Variants in GALNT7 observed in about 807,000 individuals in gnomAD.
The protein encoded by GALNT7 is polypeptide N-acetylgalactosaminyltransferase 7.
Under a neutral mutation model 82.1 loss-of-function variants are expected in GALNT7, and 60 were observed. The ratio of observed to expected loss-of-function variants is 0.73; its 90% confidence interval spans 0.59 to 0.91. The LOEUF is 0.91. GALNT7 is among the 40% of genes least tolerant of loss of function. GALNT7 has a pLI of 0.00. For missense variants in GALNT7, 660 were observed against 804.2 expected, an observed-to-expected ratio of 0.82 and a Z score of 2.17; for synonymous variants, 243 against 275.1, an observed-to-expected ratio of 0.88 and a Z score of 1.15.
chr4:173,220,160 G>A (rs2126686877), intron 1 of GALNT7, among the ~76,000 whole-genome samples: 1 of 152,296 alleles, frequency 6.6e-6, no homozygotes, highest in African/African-American at 2.4e-5. Flanking sequence ...TCTATCTTGA[G>A]TTGATTTTTG....
chr4:173,281,220 T>C (rs1326458915), intron 2 of GALNT7, among the ~76,000 whole-genome samples: 1 of 152,180 alleles, frequency 6.6e-6, no homozygotes, highest in Non-Finnish European at 1.5e-5. Context: ...TAGGTGTGCC[T>C]GTCTTCCCGG....
At chr4:173,174,611 C>T (rs1731977454) in intron 1 of GALNT7, among the ~76,000 whole-genome samples, 1 of 152,132 alleles carries the variant, frequency 6.6e-6, no homozygotes, top group South Asian at 2.1e-4. Context: ...CTGCTTGCCC[C>T]TCCCCCATCC....
chr4:173,289,247 T>C (rs139330557), intron 2 of GALNT7, among the ~76,000 whole-genome samples: 1 of 152,300 alleles, frequency 6.6e-6, no homozygotes, highest in East Asian at 1.9e-4. Flanking sequence ...CCGCTCTTAC[T>C]CACCCTTCTG....
At chr4:173,270,371 A>G (rs1322548016) in intron 2 of GALNT7, among the ~76,000 whole-genome samples, 1 of 152,212 alleles carries the variant, frequency 6.6e-6, no homozygotes, top group Non-Finnish European at 1.5e-5. Flanking sequence ...ATTGAAAAAA[A>G]AATGCTTGTT....
At chr4:173,262,981 A>G (rs1048686985) in intron 2 of GALNT7, among the ~76,000 whole-genome samples, 3 of 152,218 alleles carry the variant, frequency 2.0e-5, no homozygotes, top group Non-Finnish European at 4.4e-5. Flanking sequence ...GTATATTATT[A>G]TGAAGAATAA....
chr4:173,188,462 A>C lies in GALNT7; in HGVS notation c.126+19501A>C, dbSNP rs532298901. Among the ~76,000 whole-genome samples the C allele has an allele frequency of 5.8e-4, 88 of 152,348 alleles. 2 individuals carry two copies. In the South Asian group the frequency reaches 8.7e-3, roughly 15 times the overall value. On this transcript the variant is annotated intron_variant, in intron 1 of 11. Coordinates refer to ENST00000265000, the MANE Select transcript of GALNT7 (RefSeq NM_017423.3). ...CACCCCCTCAGAGATTTCACGGCATACATTGGTACGTTAAAAGCTTTGAAA... is the reference window on the plus strand; with the variant it reads ...CACCCCCTCAGAGATTTCACGGCATCCATTGGTACGTTAAAAGCTTTGAAA...
intron 2 of GALNT7, among the ~76,000 whole-genome samples, chr4:173,262,376 T>C (rs150661243): frequency 1.8e-3 from 272 of 152,340 alleles, no homozygotes; most frequent in Non-Finnish European, 2.9e-3. Flanking sequence ...CAGGAGTTGG[T>C]CATTTGGAAA....
In GALNT7 at chr4:173,314,146, T is replaced by G; in HGVS notation, c.1578T>G (p.Pro526=). ...CTTATGATATCACCTCACACTACCC[T>G]TTGCCACCCAAAAATGTTGACTGGG... ...EIAYDITSHY[P]LPPKNVDWGE... Residue 526 remains proline (P), a synonymous_variant, in exon 9 of 12, where the codon CCT becomes CCG. Transcript: ENST00000265000. 6.2e-7 allele frequency: 1 copy of G among 1,612,714 alleles called. No homozygotes were observed. Among genetic ancestry groups the G allele is most frequent in the African/African-American group, 1.3e-5 (1 of 74,968 alleles).
intron 1 of GALNT7, among the ~76,000 whole-genome samples, chr4:173,188,747 C>T (rs1023047977): frequency 6.6e-6 from 1 of 152,176 alleles, no homozygotes; most frequent in Non-Finnish European, 1.5e-5. Flanking sequence ...TACCATCCTT[C>T]AAGATCAGTT....
intron 8 of GALNT7, among the ~76,000 whole-genome samples, chr4:173,307,091 C>T (rs1197768228): frequency 6.6e-6 from 1 of 152,204 alleles, no homozygotes; most frequent in Non-Finnish European, 1.5e-5. Context: ...GTGGCTAATG[C>T]TGTAGATATC....
At chr4:173,207,513 T>C (rs1561154237) in intron 1 of GALNT7, among the ~76,000 whole-genome samples, 1 of 152,334 alleles carries the variant, frequency 6.6e-6, no homozygotes, top group East Asian at 1.9e-4. Context: ...ATTTTCCATA[T>C]CGTTTAGTAG....
intron 2 of GALNT7, among the ~76,000 whole-genome samples, chr4:173,283,252 G>A (rs942963479): frequency 6.6e-6 from 1 of 152,308 alleles, no homozygotes; most frequent in Middle Eastern, 3.4e-3. Flanking sequence ...AACTTGGTCT[G>A]ATTATTTACA....
At chr4:173,206,156 TATTGAGGCAAGCTTC>T (rs1733090616) in intron 1 of GALNT7, among the ~76,000 whole-genome samples, 1 of 152,204 alleles carries the variant, frequency 6.6e-6, no homozygotes, top group Admixed American at 6.5e-5. Flanking sequence ...TGCTGGCTTT[TATTGAGGCAAGCTTC>T]ATTTTGCCGG....
chr4:173,306,816 T>G (rs546202412), intron 8 of GALNT7, among the ~76,000 whole-genome samples: 1 of 152,320 alleles, frequency 6.6e-6, no homozygotes, highest in South Asian at 2.1e-4. Flanking sequence ...TACTGGGAGA[T>G]TATTGTGATC....
intron 8 of GALNT7, among the ~76,000 whole-genome samples, chr4:173,309,271 C>T (rs1374349999): frequency 1.3e-5 from 2 of 152,132 alleles, no homozygotes; most frequent in East Asian, 3.9e-4. Flanking sequence ...CTCCCCATTC[C>T]AGGGAGTGTA....
intron 2 of GALNT7, among the ~76,000 whole-genome samples, chr4:173,280,525 AT>A (rs1290749734): frequency 6.6e-5 from 10 of 152,292 alleles, no homozygotes; most frequent in Non-Finnish European, 1.5e-4. Flanking sequence ...ATTCTGTAAA[AT>A]TACTCTAAGA....
chr4:173,313,696 A>G (rs1737474960), intron 8 of GALNT7, among the ~76,000 whole-genome samples: 1 of 152,078 alleles, frequency 6.6e-6, no homozygotes, highest in Non-Finnish European at 1.5e-5. Context: ...AATAGAATAC[A>G]TTATCTCAGC....
At chr4:173,305,930 A>G (rs1737139981) in intron 8 of GALNT7, among the ~76,000 whole-genome samples, 1 of 152,122 alleles carries the variant, frequency 6.6e-6, no homozygotes, top group Non-Finnish European at 1.5e-5. Flanking sequence ...ATTTCTGGGA[A>G]AAATGTCCTT....
At chr4:173,201,287 G>A (rs547981257) in intron 1 of GALNT7, among the ~76,000 whole-genome samples, 13 of 152,082 alleles carry the variant, frequency 8.5e-5, no homozygotes, top group African/African-American at 2.9e-4. Context: ...TGCCATTCTT[G>A]ATATAAGTTG....
Sources: allele counts gnomAD v4.1 joint callset (sites outside exome capture counted in the v4.1 genomes callset), GRCh38; gene constraint gnomAD v4.1.1; transcripts MANE v1.5; gene names NCBI Gene and HGNC (gene_info 2026-07-23, HGNC 2026-07-21).